The following MYRFL variants were observed in gnomAD, a reference collection of about 807,000 sequenced individuals.
MYRFL encodes myelin regulatory factor-like protein.
Under a neutral mutation model 109.4 loss-of-function variants are expected in MYRFL, and 88 were observed. That is an observed-to-expected ratio of 0.80 (90% CI 0.68 to 0.96). MYRFL has a LOEUF of 0.96. Among genes scored for constraint, MYRFL ranks in the 40% least tolerant of loss-of-function variants. MYRFL has a pLI of 0.00. For synonymous variants in MYRFL, 324 were observed against 320.9 expected, an observed-to-expected ratio of 1.01 and a Z score of -0.10; for missense variants, 957 against 954.9, an observed-to-expected ratio of 1.00 and a Z score of -0.03.
At chr12:69,899,322 C>T (rs2136343513) in intron 10 of MYRFL, among the ~76,000 whole-genome samples, 1 of 152,248 alleles carries the variant, frequency 6.6e-6, no homozygotes, top group African/African-American at 2.4e-5. Context: ...TAAGAAATGG[C>T]ATTATTGTTT....
At chr12:69,848,189 G>A (rs1883671592) in intron 1 of MYRFL, among the ~76,000 whole-genome samples, 1 of 151,894 alleles carries the variant, frequency 6.6e-6, no homozygotes, top group Non-Finnish European at 1.5e-5. Flanking sequence ...GTTTATTGTT[G>A]CAACACAATA....
chr12:69,913,791 G>A (rs959857511), intron 13 of MYRFL, among the ~76,000 whole-genome samples: 8 of 152,174 alleles, frequency 5.3e-5, no homozygotes, highest in Admixed American at 4.6e-4. Flanking sequence ...GGTCTCTTAA[G>A]ATCCCACGTG....
intron 1 of MYRFL, among the ~76,000 whole-genome samples, chr12:69,850,968 A>G (rs1272997508): frequency 6.6e-6 from 1 of 152,162 alleles, no homozygotes; most frequent in Non-Finnish European, 1.5e-5. Flanking sequence ...AATTCACCGC[A>G]TACAAGATTT....
intron 1 of MYRFL, among the ~76,000 whole-genome samples, chr12:69,847,498 GAAAAC>G (rs1372252391): frequency 3.3e-5 from 5 of 151,784 alleles, no homozygotes; most frequent in East Asian, 1.9e-4. Flanking sequence ...ATAAAGAAGA[GAAAAC>G]AAAACAAAGC....
At chr12:69,833,233 GTAAC>G (rs976811703) in intron 1 of MYRFL, among the ~76,000 whole-genome samples, 3 of 152,142 alleles carry the variant, frequency 2.0e-5, no homozygotes, top group Non-Finnish European at 4.4e-5. Flanking sequence ...CCAAGTGAAA[GTAAC>G]TAGTAAAGGA....
chr12:69,853,196 C>T (rs1300645754), intron 1 of MYRFL, among the ~76,000 whole-genome samples: 4 of 147,148 alleles, frequency 2.7e-5, no homozygotes, highest in African/African-American at 1.0e-4. Flanking sequence ...CCGGACGGGG[C>T]AGCTGCCGGG....
At chr12:69,867,004 G>A (rs767696194) in intron 2 of MYRFL, among the ~76,000 whole-genome samples, 2 of 152,330 alleles carry the variant, frequency 1.3e-5, no homozygotes, top group South Asian at 2.1e-4. Context: ...CATTTGGGAC[G>A]CATTATTCAT....
At chr12:69,939,934 A>AG (rs1955591156) in intron 19 of MYRFL, among the ~76,000 whole-genome samples, 1 of 152,228 alleles carries the variant, frequency 6.6e-6, no homozygotes, top group Non-Finnish European at 1.5e-5. Context: ...ACTGGAAGAA[A>AG]GGGTATCAGC....
chr12:69,937,264 ATTT>A (rs1955499328), intron 19 of MYRFL, among the ~76,000 whole-genome samples: 1 of 152,092 alleles, frequency 6.6e-6, no homozygotes, highest in African/African-American at 2.4e-5. Flanking sequence ...ATGTATACTA[ATTT>A]ATTATTGTTT....
At chr12:69,834,741 A>G (rs1282212610) in intron 1 of MYRFL, among the ~76,000 whole-genome samples, 1 of 152,176 alleles carries the variant, frequency 6.6e-6, no homozygotes, top group African/African-American at 2.4e-5. Flanking sequence ...AAAGTTTTAC[A>G]TGTTCACATT....
intron 21 of MYRFL, among the ~76,000 whole-genome samples, 197 bp downstream of exon 21, chr12:69,953,083 C>T (rs926424871): frequency 6.6e-6 from 1 of 152,048 alleles, no homozygotes; most frequent in Non-Finnish European, 1.5e-5. Context: ...GTCAATAAGC[C>T]ACGGCCCTAG....
At chr12:69,837,744 T>G (rs1264959883) in intron 1 of MYRFL, among the ~76,000 whole-genome samples, 1 of 152,218 alleles carries the variant, frequency 6.6e-6, no homozygotes, top group African/African-American at 2.4e-5. Flanking sequence ...CCTTGTTTAC[T>G]TGGTTAACTT....
chr12:69,872,917 C>A (rs1444789375), intron 2 of MYRFL, among the ~76,000 whole-genome samples: 1 of 152,078 alleles, frequency 6.6e-6, no homozygotes, highest in African/African-American at 2.4e-5. Context: ...GGTGAGCTAC[C>A]GTGCCTGGCC....
At chr12:69,852,834 C>T (rs1883967514) in intron 1 of MYRFL, among the ~76,000 whole-genome samples, 1 of 152,018 alleles carries the variant, frequency 6.6e-6, no homozygotes, top group South Asian at 2.1e-4. Context: ...CAAAGCACAT[C>T]TTGCACCGCC....
intron 5 of MYRFL, among the ~76,000 whole-genome samples, 152 bp downstream of exon 5, chr12:69,880,444 T>A (rs1454755401): frequency 6.6e-6 from 1 of 152,222 alleles, no homozygotes; most frequent in Non-Finnish European, 1.5e-5. Context: ...TCCCTCTTGA[T>A]GTACCTTTCA....
At chr12:69,862,932 C>T (rs1337038124) in intron 2 of MYRFL, among the ~76,000 whole-genome samples, 1 of 152,048 alleles carries the variant, frequency 6.6e-6, no homozygotes, top group African/African-American at 2.4e-5. Context: ...CCATCAATAC[C>T]TAATTTATTG....
intron 21 of MYRFL, among the ~76,000 whole-genome samples, chr12:69,953,773 A>ACC: frequency 6.6e-6 from 1 of 151,504 alleles, no homozygotes; most frequent in Admixed American, 6.6e-5. Context: ...GGACACACAC[A>ACC]CACACACACA....
At chr12:69,919,568 C>A (rs1954842247) in intron 13 of MYRFL, among the ~76,000 whole-genome samples, 1 of 152,134 alleles carries the variant, frequency 6.6e-6, no homozygotes, top group Non-Finnish European at 1.5e-5. Context: ...AGCTTCCACA[C>A]CATCCCAGCA....
In MYRFL at chr12:69,863,234, G is replaced by A. The variant is rs372023746; in HGVS notation, c.137+7864G>A. On this transcript the variant is annotated intron_variant, in intron 2 of 24. Coordinates refer to ENST00000552032, the MANE Select transcript of MYRFL (RefSeq NM_182530.3). ...CTCTTTTTTGGTTGTGTCTCTGCCC[G>A]GCGTTGGTATCAGGATGATGCTGGC... Among the ~76,000 whole-genome samples the A allele has an allele frequency of 2.0e-5, 3 of 152,214 alleles. No homozygotes were observed. In the South Asian group the frequency reaches 6.2e-4, roughly 32 times the overall value.
Sources: allele counts gnomAD v4.1 joint callset (sites outside exome capture counted in the v4.1 genomes callset), GRCh38; gene constraint gnomAD v4.1.1; transcripts MANE v1.5; gene names NCBI Gene and HGNC (gene_info 2026-07-23, HGNC 2026-07-21).